The following NEBL variants were observed in gnomAD, a reference collection of about 807,000 sequenced individuals.
The protein encoded by NEBL is nebulette.
A neutral mutation model predicts 140.2 loss-of-function variants in NEBL; 122 were observed. The observed-to-expected ratio is 0.87, with a 90% CI of 0.75 to 1.01. The LOEUF (loss-of-function observed/expected upper bound fraction) is 1.01. Among genes scored for constraint, NEBL ranks in the 50% least tolerant of loss-of-function variants. The pLI, the probability that NEBL is intolerant of heterozygous loss-of-function variation, is 0.00. For synonymous variants in NEBL, 436 were observed against 398.9 expected (o/e 1.09, Z -1.11); for missense variants, 1,365 against 1,231.3 (o/e 1.11, Z -1.62).
intron 21 of NEBL, among the ~76,000 whole-genome samples, chr10:20,817,178 G>C (rs1332006043): frequency 6.6e-6 from 1 of 152,048 alleles, no homozygotes; most frequent in Non-Finnish European, 1.5e-5. Flanking sequence ...TCAGGAGTTT[G>C]AGACCAGCCC....
chr10:20,972,936 A>T (rs1235231118), intron 3 of NEBL, among the ~76,000 whole-genome samples: 2 of 152,166 alleles, frequency 1.3e-5, no homozygotes, highest in Non-Finnish European at 2.9e-5. Context: ...CAGGTTATTT[A>T]AAAAATCTAT....
chr10:20,836,638 T>C (rs989323927), intron 13 of NEBL, among the ~76,000 whole-genome samples: 2 of 152,104 alleles, frequency 1.3e-5, no homozygotes, highest in African/African-American at 4.8e-5. Context: ...CCACAGAAGT[T>C]CCGGCAGTTT....
intron 2 of NEBL, among the ~76,000 whole-genome samples, chr10:21,156,611 A>G (rs1182059150): frequency 6.6e-6 from 1 of 151,114 alleles, no homozygotes; most frequent in Non-Finnish European, 1.5e-5. Flanking sequence ...TTTTTTTTTT[A>G]GGAGCCCATT....
chr10:20,852,739 C>T, intron 9 of NEBL, 90 bp from the exon 10 acceptor site: 1 of 1,138,596 alleles, frequency 8.8e-7, no homozygotes, highest in South Asian at 1.3e-5. Flanking sequence ...CATTACAAGC[C>T]ACCAAGAGCT....
chr10:20,942,749 A>G (rs968518167), intron 4 of NEBL, among the ~76,000 whole-genome samples: 2 of 152,214 alleles, frequency 1.3e-5, no homozygotes, highest in African/African-American at 2.4e-5. Context: ...CAAGAAAAAA[A>G]CAAACAACCC....
intron 13 of NEBL, among the ~76,000 whole-genome samples, chr10:20,838,762 C>T (rs1008639236): frequency 3.3e-5 from 5 of 152,208 alleles, no homozygotes; most frequent in African/African-American, 1.2e-4. Flanking sequence ...CCTGATCAGT[C>T]GGCAGCCATC....
At chr10:21,088,526 T>C (rs573910681) in intron 2 of NEBL, among the ~76,000 whole-genome samples, 1 of 152,112 alleles carries the variant, frequency 6.6e-6, no homozygotes, top group Non-Finnish European at 1.5e-5. Flanking sequence ...GTGACACACA[T>C]CACTCTGACC....
chr10:21,131,038 T>C (rs570565992), intron 2 of NEBL, among the ~76,000 whole-genome samples: 1 of 152,106 alleles, frequency 6.6e-6, no homozygotes, highest in South Asian at 2.1e-4. Context: ...ATTACTAATA[T>C]CATAAATGAA....
At chr10:20,786,819 G>T (rs554792662) in intron 27 of NEBL, among the ~76,000 whole-genome samples, 1 of 152,224 alleles carries the variant, frequency 6.6e-6, no homozygotes, top group Admixed American at 6.5e-5. Context: ...ATATATTTTG[G>T]CCACATAATT....
At chr10:21,076,036 A>T (rs973631953) in intron 2 of NEBL, among the ~76,000 whole-genome samples, 1 of 152,176 alleles carries the variant, frequency 6.6e-6, no homozygotes, top group Non-Finnish European at 1.5e-5. Flanking sequence ...GGAAAATAAC[A>T]GGGTCTTGGT....
In NEBL at chr10:21,141,395, G is replaced by GA. The variant is rs775283910; in HGVS notation, c.164+30987dup. ...TGCACTTACCTCAATGGTTTCAGGA[G>GA]AAAAAAATAGCATATAGAGAAAAAG... On this transcript the variant is annotated intron_variant, in intron 2 of 6. Transcript: ENST00000417816. Among the ~76,000 whole-genome samples, 30 of 151,964 alleles carry GA rather than the reference G, an allele frequency of 2.0e-4. 1 individual carries two copies. The highest frequency in any genetic ancestry group is 7.0e-4 in the African/African-American group (29 of 41,444).
At chr10:20,964,940 C>A (rs1206253995) in intron 3 of NEBL, among the ~76,000 whole-genome samples, 1 of 152,182 alleles carries the variant, frequency 6.6e-6, no homozygotes, top group African/African-American at 2.4e-5. Context: ...ATAACCAGCC[C>A]CCGTGTCCAT....
intron 4 of NEBL, among the ~76,000 whole-genome samples, chr10:20,950,648 G>A (rs1835412268): frequency 1.3e-5 from 2 of 152,184 alleles, no homozygotes; most frequent in African/African-American, 4.8e-5. Flanking sequence ...TCAGGTAACT[G>A]TGAAGGTAAT....
rs150638783 is a variant in NEBL, at chr10:21,086,850, A to G, written c.165-66649T>C. On this transcript the variant is annotated intron_variant, in intron 2 of 6. Transcript: ENST00000417816. ...CTAAAAACCAATGACAAAGACAGAT[A>G]CCAGTTTGCTGAAGAGTTCAGTCAT... is the stretch of plus-strand genomic sequence containing the variant. Among the ~76,000 whole-genome samples the G allele has an allele frequency of 1.7e-3, 253 of 152,328 alleles. 1 individual carries two copies. Among genetic ancestry groups the G allele is most frequent in the African/African-American group, 5.8e-3 (241 of 41,574 alleles).
chr10:21,090,686 A>T (rs1836871749), intron 2 of NEBL, among the ~76,000 whole-genome samples: 1 of 152,186 alleles, frequency 6.6e-6, no homozygotes, highest in Non-Finnish European at 1.5e-5. Context: ...CTTGGAGCCA[A>T]ATGCCAGCCT....
At chr10:20,837,940 A>G (rs1294597028) in intron 13 of NEBL, among the ~76,000 whole-genome samples, 1 of 152,214 alleles carries the variant, frequency 6.6e-6, no homozygotes, top group East Asian at 1.9e-4. Flanking sequence ...CCTAATGTTC[A>G]TAAAAGAAAG....
At chr10:21,075,695 G>C (rs1836034203) in intron 2 of NEBL, among the ~76,000 whole-genome samples, 1 of 152,330 alleles carries the variant, frequency 6.6e-6, no homozygotes, top group South Asian at 2.1e-4. Flanking sequence ...ATCACAGGAT[G>C]CTTGATTTTC....
intron 11 of NEBL, among the ~76,000 whole-genome samples, chr10:20,847,039 G>C (rs1842014762): frequency 6.6e-6 from 1 of 152,014 alleles, no homozygotes. Context: ...CTTTTCTTGG[G>C]ATCATAAATA....
Position 20,785,755 on chromosome 10 carries a change from C to T in NEBL, c.3037G>A (p.Val1013Ile). Residue 1013 changes from valine (V) to isoleucine (I), a missense_variant, in exon 28 of 28, where the codon GTT (valine) becomes ATT (isoleucine). By Grantham distance (29) the Val-to-Ile change is conservative. Transcript: ENST00000377122. ...AGGGCAGGGAGAAATAATTAATTAA[C>T]AAACTCAATGTAATTCGCTGGGAGC... is the stretch of plus-strand genomic sequence containing the variant. Reference protein sequence around the residue: ...GMLPANYIEFVN With the variant: ...GMLPANYIEFIN The T allele has an allele frequency of 6.2e-7, 1 of 1,613,680 alleles. No homozygotes were observed. Among genetic ancestry groups the T allele is most frequent in the Non-Finnish European group, 8.5e-7 (1 of 1,179,842 alleles).
Sources: allele counts gnomAD v4.1 joint callset (sites outside exome capture counted in the v4.1 genomes callset), GRCh38; gene constraint gnomAD v4.1.1; transcripts MANE v1.5; gene names NCBI Gene and HGNC (gene_info 2026-07-23, HGNC 2026-07-21).